LUZP2: variants seen among roughly 807,000 people sequenced by gnomAD.
LUZP2 encodes the protein leucine zipper protein 2.
LUZP2 carries 52 observed loss-of-function variants against 51.6 expected under a neutral mutation model. The observed-to-expected ratio is 1.01, with a 90% CI of 0.81 to 1.27. The LOEUF (loss-of-function observed/expected upper bound fraction) is 1.27, where lower values mean the gene tolerates loss of function less well. Among genes scored for constraint, LUZP2 ranks in the 50% most tolerant of loss-of-function variants. The pLI is 0.00. For synonymous variants in LUZP2, 154 were observed against 137.3 expected (o/e 1.12, Z -0.85); for missense variants, 436 against 395.4 (o/e 1.10, Z -0.87).
At chr11:24,984,801 C>T (rs997171215) in intron 9 of LUZP2, among the ~76,000 whole-genome samples, 11 of 151,126 alleles carry the variant, frequency 7.3e-5, no homozygotes, top group African/African-American at 2.7e-4. Context: ...AGGTTTCTCT[C>T]TGAGTGAATT....
intron 1 of LUZP2, among the ~76,000 whole-genome samples, chr11:24,715,570 T>G (rs1858012038): frequency 6.6e-6 from 1 of 152,192 alleles, no homozygotes; most frequent in Non-Finnish European, 1.5e-5. Context: ...TATTGTCACC[T>G]GTGCTTAGAC....
intron 10 of LUZP2, among the ~76,000 whole-genome samples, chr11:25,060,634 G>A (rs964480610): frequency 4.6e-5 from 7 of 152,116 alleles, no homozygotes; most frequent in Admixed American, 3.9e-4. Flanking sequence ...TAACAAATGA[G>A]ATAAAATGAG....
chr11:24,924,567 A>G (rs192778024), intron 7 of LUZP2, among the ~76,000 whole-genome samples: 2 of 152,332 alleles, frequency 1.3e-5, no homozygotes, highest in Non-Finnish European at 2.9e-5. Context: ...ATCAAAAAGT[A>G]TATGAGACTG....
intron 5 of LUZP2, among the ~76,000 whole-genome samples, chr11:24,898,635 A>G (rs1016255234): frequency 1.3e-5 from 2 of 152,182 alleles, no homozygotes; most frequent in Non-Finnish European, 2.9e-5. Context: ...GAAGAAAAAA[A>G]AAAAAACAAG....
At chr11:24,717,953 T>A (rs1292101678) in intron 1 of LUZP2, among the ~76,000 whole-genome samples, 1 of 152,218 alleles carries the variant, frequency 6.6e-6, no homozygotes, top group Non-Finnish European at 1.5e-5. Context: ...CATAGTATTC[T>A]ACGGTGTTTT....
intron 1 of LUZP2, among the ~76,000 whole-genome samples, chr11:24,553,343 TA>T (rs1400967165): frequency 6.6e-6 from 1 of 151,936 alleles, no homozygotes. Context: ...CTACATGGAT[TA>T]AAAACTAAGG....
chr11:24,667,184 CTTTTTTTT>C (rs199740839), intron 1 of LUZP2, among the ~76,000 whole-genome samples: 1 of 132,056 alleles, frequency 7.6e-6, no homozygotes, highest in Admixed American at 7.9e-5. Flanking sequence ...TTCTTTTTTT[CTTTTTTTT>C]TTTTTTTTTG....
chr11:24,537,228 T>A (rs942142889), intron 1 of LUZP2, among the ~76,000 whole-genome samples: 2 of 151,906 alleles, frequency 1.3e-5, no homozygotes, highest in Non-Finnish European at 2.9e-5. Flanking sequence ...GTTAGTAAAA[T>A]GGCACTGATA....
At chr11:24,862,981 C>A (rs1414786354) in intron 5 of LUZP2, among the ~76,000 whole-genome samples, 4 of 152,030 alleles carry the variant, frequency 2.6e-5, no homozygotes, top group African/African-American at 9.7e-5. Flanking sequence ...TAGAGAAATG[C>A]AGATTGAAAC....
intron 7 of LUZP2, among the ~76,000 whole-genome samples, chr11:24,965,995 C>A (rs1344482020): frequency 6.6e-6 from 1 of 151,684 alleles, no homozygotes; most frequent in African/African-American, 2.4e-5. Flanking sequence ...ATTAATCTCT[C>A]CTGGAGTAAT....
At chr11:24,796,066 A>G (rs988253208) in intron 5 of LUZP2, among the ~76,000 whole-genome samples, 10 of 152,224 alleles carry the variant, frequency 6.6e-5, no homozygotes, top group Admixed American at 3.3e-4. Context: ...AATAATAAAT[A>G]AATAAACAAG....
intron 1 of LUZP2, among the ~76,000 whole-genome samples, chr11:24,506,442 ATTG>A (rs949768162): frequency 2.6e-5 from 4 of 152,088 alleles, no homozygotes; most frequent in Non-Finnish European, 5.9e-5. Context: ...GCAGCTTTAT[ATTG>A]TTGTAGCTTT....
At chr11:24,997,284 T>C (rs1017977384) in intron 9 of LUZP2, among the ~76,000 whole-genome samples, 30 of 152,144 alleles carry the variant, frequency 2.0e-4, no homozygotes, top group Non-Finnish European at 3.5e-4. Context: ...GCACTTGTTG[T>C]TTCCTGACTT....
intron 1 of LUZP2, among the ~76,000 whole-genome samples, chr11:24,657,143 A>T (rs947903082): frequency 6.6e-6 from 1 of 152,168 alleles, no homozygotes; most frequent in African/African-American, 2.4e-5. Context: ...AAAGCAAGAA[A>T]CCTACTTAGA....
intron 5 of LUZP2, among the ~76,000 whole-genome samples, chr11:24,808,174 A>G (rs905671062): frequency 4.6e-5 from 7 of 152,210 alleles, no homozygotes; most frequent in Non-Finnish European, 8.8e-5. Flanking sequence ...GTTACTTGTT[A>G]ATTTAAATAA....
At chr11:24,886,081 C>T (rs761507939) in intron 5 of LUZP2, among the ~76,000 whole-genome samples, 1 of 152,078 alleles carries the variant, frequency 6.6e-6, no homozygotes, top group Non-Finnish European at 1.5e-5. Flanking sequence ...AATTATTATT[C>T]ATGTGTGTTC....
intron 5 of LUZP2, among the ~76,000 whole-genome samples, chr11:24,896,308 G>A (rs372893491): frequency 2.6e-5 from 4 of 152,094 alleles, no homozygotes; most frequent in East Asian, 3.9e-4. Flanking sequence ...CGCCAGAACC[G>A]GGGCTGTGCA....
chr11:24,837,252 A>C (rs1850888111), intron 5 of LUZP2, among the ~76,000 whole-genome samples: 1 of 151,776 alleles, frequency 6.6e-6, no homozygotes, highest in South Asian at 2.1e-4. Context: ...TTGTTAAACT[A>C]TGTTAAATAA....
Position 24,682,548 on chromosome 11 carries a change from T to TATATAC in LUZP2, c.63-46619_63-46614dup, listed in dbSNP as rs1565074553. ...TCAGTAGGTTCAGTGTGTATATGTA[T>TATATAC]ATATACACACTGAACCCTACTGAAT... is the stretch of plus-strand genomic sequence containing the variant. On this transcript the variant is annotated intron_variant, in intron 1 of 11. Coordinates refer to ENST00000336930, the MANE Select transcript of LUZP2 (RefSeq NM_001009909.4). 2.8e-5 allele frequency among the ~76,000 whole-genome samples: 4 copies of TATATAC among 144,366 alleles called. No individual in the cohort carries two copies. The East Asian group carries it at 8.3e-4, about 30-fold the overall frequency. 94.7% of individuals were successfully genotyped at this position (144,366 alleles called of 152,430 possible).
Sources: allele counts gnomAD v4.1 joint callset (sites outside exome capture counted in the v4.1 genomes callset), GRCh38; gene constraint gnomAD v4.1.1; transcripts MANE v1.5; gene names NCBI Gene and HGNC (gene_info 2026-07-23, HGNC 2026-07-21).